The following SHB variants were observed in gnomAD, a reference collection of about 807,000 sequenced individuals.
SHB encodes SH2 domain containing adaptor protein B.
SHB carries 20 observed loss-of-function variants against 52.3 expected under a neutral mutation model. The ratio of observed to expected loss-of-function variants is 0.38; its 90% CI spans 0.27 to 0.56. The LOEUF is 0.56. Among genes scored for constraint, SHB ranks in the 20% least tolerant of loss-of-function variants. The pLI is 0.71. For missense variants in SHB, 825 were observed against 723.3 expected (o/e 1.14, Z -1.61); for synonymous variants, 397 against 316.5 (o/e 1.25, Z -2.70).
At chr9:37,998,342 C>T (rs936794465) in intron 2 of SHB, among the ~76,000 whole-genome samples, 10 of 152,264 alleles carry the variant, frequency 6.6e-5, no homozygotes, top group South Asian at 6.2e-4. Context: ...GAACTGCAGG[C>T]GCCCCAGAGA....
chr9:37,964,564 TA>T (rs1326248478), intron 3 of SHB, among the ~76,000 whole-genome samples: 1 of 152,114 alleles, frequency 6.6e-6, no homozygotes, highest in Non-Finnish European at 1.5e-5. Context: ...TTTATTGTCA[TA>T]ACTCATTATG....
At chr9:38,051,213 G>A (rs1032668881) in intron 1 of SHB, among the ~76,000 whole-genome samples, 9 of 152,002 alleles carry the variant, frequency 5.9e-5, no homozygotes, top group Admixed American at 6.6e-5. Flanking sequence ...AAGGCGAGGC[G>A]GGCAGATCAC....
chr9:38,012,494 C>A (rs1401451452), intron 2 of SHB, among the ~76,000 whole-genome samples: 1 of 152,092 alleles, frequency 6.6e-6, no homozygotes. Flanking sequence ...GCTGCCTCCC[C>A]GTTGTTGTTA....
At chr9:38,001,044 A>C (rs1351601610) in intron 2 of SHB, among the ~76,000 whole-genome samples, 3 of 152,206 alleles carry the variant, frequency 2.0e-5, no homozygotes, top group African/African-American at 7.2e-5. Flanking sequence ...GCACTGTTAC[A>C]TGGCTTTTTG....
intron 1 of SHB, among the ~76,000 whole-genome samples, chr9:38,053,938 G>T (rs760858156): frequency 6.6e-6 from 1 of 152,152 alleles, no homozygotes; most frequent in Non-Finnish European, 1.5e-5. Context: ...TGTAAAATGG[G>T]GATTCTCACA....
chr9:38,013,637 C>T (rs564616960), intron 2 of SHB, among the ~76,000 whole-genome samples: 1 of 152,332 alleles, frequency 6.6e-6, no homozygotes, highest in East Asian at 1.9e-4. Flanking sequence ...TAATTTCTAG[C>T]CAGGTGAACA....
intron 5 of SHB, among the ~76,000 whole-genome samples, chr9:37,939,984 G>T (rs981279081): frequency 6.6e-6 from 1 of 152,214 alleles, no homozygotes; most frequent in Non-Finnish European, 1.5e-5. Context: ...CTGTGCTAGA[G>T]AGTAAACAGA....
rs1435135693 is a variant in SHB at position 37,974,820 on chromosome 9, T to C, written c.856A>G (p.Ser286Gly). ...RIMTEFQRQE[S>G]VRSQHKGIQL... Reference sequence around the variant, plus strand: ...ATACCTTTATGCTGGGACCGGACACTTTCCTGCCTCTGAAATTCTGCAGGC... The same window carrying C: ...ATACCTTTATGCTGGGACCGGACACCTTCCTGCCTCTGAAATTCTGCAGGC... The change falls in exon 3 of 6, where the codon AGT (serine) becomes GGT (glycine). Residue 286 changes from serine (S) to glycine (G), a missense_variant. Transcript: ENST00000377707. The C allele has an allele frequency of 5.0e-6, 8 of 1,613,886 alleles. No homozygotes were observed. The African/African-American group carries it at 6.7e-5, about 13-fold the overall frequency.
At chr9:38,050,317 G>A (rs1293478391) in intron 1 of SHB, among the ~76,000 whole-genome samples, 1 of 152,180 alleles carries the variant, frequency 6.6e-6, no homozygotes, top group Non-Finnish European at 1.5e-5. Flanking sequence ...AAAATGCCAT[G>A]CCCCAATTAA....
chr9:37,960,808 G>A (rs1443103091), intron 3 of SHB, among the ~76,000 whole-genome samples: 2 of 152,148 alleles, frequency 1.3e-5, no homozygotes, highest in Admixed American at 6.5e-5. Context: ...GCCCTGCCAC[G>A]TGGGTAATGG....
intron 4 of SHB, 77 bp from the exon 5 acceptor site, chr9:37,948,831 G>T: frequency 6.3e-7 from 1 of 1,577,164 alleles, no homozygotes; most frequent in Non-Finnish European, 8.6e-7. Context: ...GGGAGACTCA[G>T]CACCCGCAGA....
chr9:37,986,441 T>C (rs888331155), intron 2 of SHB, among the ~76,000 whole-genome samples: 1 of 151,996 alleles, frequency 6.6e-6, no homozygotes, highest in Admixed American at 6.6e-5. Context: ...ATGCCAGGAC[T>C]AGGGGTGCAG....
intron 5 of SHB, among the ~76,000 whole-genome samples, chr9:37,924,181 A>G (rs1832217671): frequency 6.6e-6 from 1 of 152,234 alleles, no homozygotes; most frequent in Non-Finnish European, 1.5e-5. Context: ...TGGAGCTGTC[A>G]CAGGCGTTCA....
At chr9:38,026,438 G>A (rs1821345413) in intron 1 of SHB, among the ~76,000 whole-genome samples, 1 of 152,238 alleles carries the variant, frequency 6.6e-6, no homozygotes, top group African/African-American at 2.4e-5. Flanking sequence ...GACCCATTAG[G>A]ATGACTCATG....
chr9:37,977,852 G>A (rs1265897933), intron 2 of SHB, among the ~76,000 whole-genome samples: 2 of 152,140 alleles, frequency 1.3e-5, no homozygotes, highest in African/African-American at 2.4e-5. Context: ...ACAAAAGCAG[G>A]ACCAGCAACC....
intron 3 of SHB, among the ~76,000 whole-genome samples, chr9:37,966,769 G>A (rs1050232843): frequency 1.3e-5 from 2 of 152,160 alleles, no homozygotes; most frequent in Non-Finnish European, 2.9e-5. Flanking sequence ...GTTCTCCAAG[G>A]GACCCTCTGC....
chr9:37,944,101 GGA>G (rs1235853559), intron 5 of SHB, among the ~76,000 whole-genome samples: 3 of 152,206 alleles, frequency 2.0e-5, no homozygotes, highest in African/African-American at 4.8e-5. Flanking sequence ...GGCAGCCAAG[GGA>G]GAGAGTTCTG....
intron 2 of SHB, among the ~76,000 whole-genome samples, chr9:38,004,778 C>G (rs936667938): frequency 2.0e-5 from 3 of 152,186 alleles, no homozygotes; most frequent in Admixed American, 6.5e-5. Context: ...AGACTCGAGG[C>G]TTAGCAGATG....
At chr9:38,019,766 C>T (rs1185497125) in intron 1 of SHB, among the ~76,000 whole-genome samples, 1 of 96,338 alleles carries the variant, frequency 1.0e-5, no homozygotes, top group Admixed American at 1.0e-4. Context: ...GCATAAGGGT[C>T]CATGGGAAGG....
Sources: allele counts gnomAD v4.1 joint callset (sites outside exome capture counted in the v4.1 genomes callset), GRCh38; gene constraint gnomAD v4.1.1; transcripts MANE v1.5; gene names NCBI Gene and HGNC (gene_info 2026-07-23, HGNC 2026-07-21).